Variants in LHFPL3 observed in about 807,000 individuals in gnomAD.
The protein encoded by LHFPL3 is LHFPL tetraspan subfamily member 3 protein.
LHFPL3 carries 5 observed loss-of-function variants against 19.3 expected under a neutral mutation model. The ratio of observed to expected loss-of-function variants is 0.26; its 90% CI spans 0.14 to 0.54. The LOEUF is 0.54. LHFPL3 is among the 20% of genes least tolerant of loss of function. LHFPL3 has a pLI of 0.94. For missense variants in LHFPL3, 249 were observed against 307.4 expected, an observed-to-expected ratio of 0.81 and a Z score of 1.42; for synonymous variants, 133 against 126.2, an observed-to-expected ratio of 1.05 and a Z score of -0.36.
At chr7:104,895,957 G>C (rs1792349665) in intron 2 of LHFPL3, 1 of 152,264 alleles carries the variant, frequency 6.6e-6, no homozygotes, top group African/African-American at 2.4e-5. Context: ...AGGTGTGACA[G>C]GTTCGATTTC....
chr7:104,816,033 C>T (rs1790555924), intron 2 of LHFPL3, among the ~76,000 whole-genome samples: 1 of 152,088 alleles, frequency 6.6e-6, no homozygotes, highest in Non-Finnish European at 1.5e-5. Context: ...TGAGAATTAG[C>T]CTCATTGTGT....
At chr7:104,896,001 G>A (rs1388027911) in intron 2 of LHFPL3, 2 of 152,224 alleles carry the variant, frequency 1.3e-5, no homozygotes, top group African/African-American at 2.4e-5. Flanking sequence ...TGTAGATGGC[G>A]GCCTTCTTGC....
chr7:104,505,611 G>T lies in LHFPL3; in HGVS notation c.445+176387G>T, dbSNP rs118155375. On this transcript the variant is annotated intron_variant, in intron 1 of 2. Coordinates refer to ENST00000424859, the MANE Select transcript of LHFPL3 (RefSeq NM_199000.3). ...GAAAAAAAAAATTTAAACTCTTTGG[G>T]AATATTGCAATCAGTTAATTATCAT... Among the ~76,000 whole-genome samples the T allele has an allele frequency of 2.4e-3, 366 of 152,178 alleles. 1 individual carries two copies. The highest frequency in any genetic ancestry group is 4.0e-3 in the Non-Finnish European group (273 of 67,998).
At position 104,429,144 on chromosome 7, in the gene LHFPL3, C is replaced by A. The variant is rs574213116; in HGVS notation, c.445+99920C>A. On this transcript the variant is annotated intron_variant, in intron 1 of 2. Coordinates refer to ENST00000424859, the MANE Select transcript of LHFPL3 (RefSeq NM_199000.3). ...TTTTGCTGATGAAATTGGCAGTGTT[C>A]AAGCATTTAAAAAAATAAACTAAAG... 7.4e-4 allele frequency among the ~76,000 whole-genome samples: 113 copies of A among 151,844 alleles called. No homozygotes were observed. In the Middle Eastern group the frequency reaches 0.01, roughly 14 times the overall value.
At chr7:104,884,306 C>T (rs903327843) in intron 2 of LHFPL3, among the ~76,000 whole-genome samples, 3 of 152,270 alleles carry the variant, frequency 2.0e-5, no homozygotes, top group African/African-American at 7.2e-5. Context: ...AGTTCAAAGG[C>T]CTTTGTTTTG....
chr7:104,663,557 C>T (rs1316720715), intron 1 of LHFPL3, among the ~76,000 whole-genome samples: 1 of 152,204 alleles, frequency 6.6e-6, no homozygotes, highest in Non-Finnish European at 1.5e-5. Context: ...TCATGTACAA[C>T]ATGCAGAGTT....
chr7:104,582,548 A>G (rs1450747052), intron 1 of LHFPL3, among the ~76,000 whole-genome samples: 2 of 152,046 alleles, frequency 1.3e-5, no homozygotes, highest in African/African-American at 4.8e-5. Context: ...TCCTAATTAT[A>G]GGGAGAAAGT....
rs76644251 is a variant in LHFPL3 at position 104,415,981 on chromosome 7, T to C, written c.445+86757T>C. On this transcript the variant is annotated intron_variant, in intron 1 of 2. Coordinates refer to ENST00000424859, the MANE Select transcript of LHFPL3 (RefSeq NM_199000.3). Reference sequence around the variant, plus strand: ...ATACCACCTATTATGGGTTGCATTCTGTCTCCATAAAAAGATATGAAGTCC... The same window carrying C: ...ATACCACCTATTATGGGTTGCATTCCGTCTCCATAAAAAGATATGAAGTCC... Among the ~76,000 whole-genome samples, 1,270 of 152,312 alleles carry C rather than the reference T, an allele frequency of 8.3e-3. 76 individuals carry two copies. In the East Asian group the frequency reaches 0.16, roughly 19 times the overall value.
At chr7:104,840,507 G>A in intron 2 of LHFPL3, among the ~76,000 whole-genome samples, 1 of 81,786 alleles carries the variant, frequency 1.2e-5, no homozygotes, top group Middle Eastern at 0.015. Flanking sequence ...TTTTTTTGTA[G>A]AGACCAGGGC....
chr7:104,335,638 C>T (rs1469920427), intron 1 of LHFPL3, among the ~76,000 whole-genome samples: 1 of 151,936 alleles, frequency 6.6e-6, no homozygotes, highest in Non-Finnish European at 1.5e-5. Flanking sequence ...ACAAGTTTCC[C>T]ACTGTAAAAA....
At chr7:104,771,422 T>C (rs1794548207) in intron 2 of LHFPL3, among the ~76,000 whole-genome samples, 1 of 152,170 alleles carries the variant, frequency 6.6e-6, no homozygotes, top group African/African-American at 2.4e-5. Flanking sequence ...AGAAGCAGCA[T>C]CTGTCTGCTC....
chr7:104,885,092 C>A (rs553643138), intron 2 of LHFPL3, among the ~76,000 whole-genome samples: 6 of 152,332 alleles, frequency 3.9e-5, no homozygotes, highest in African/African-American at 1.4e-4. Context: ...GGAAAACAGA[C>A]CCAGCCACTG....
rs140711491 is a variant in LHFPL3 at position 104,801,683 on chromosome 7, G to A, written c.682+64772G>A. On this transcript the variant is annotated intron_variant, in intron 2 of 2. Transcript: ENST00000424859. ...CCTCTTGGGTTCAAGGAATTCTTCTGTCTCAGCCTCCCAAGTAGTTGGGAC... is the reference window on the plus strand; with the variant it reads ...CCTCTTGGGTTCAAGGAATTCTTCTATCTCAGCCTCCCAAGTAGTTGGGAC... Among the ~76,000 whole-genome samples, 442 of 152,166 alleles carry A rather than the reference G, an allele frequency of 2.9e-3. 1 individual carries two copies. Among genetic ancestry groups the A allele is most frequent in the Non-Finnish European group, 5.4e-3 (365 of 68,014 alleles).
At chr7:104,651,482 A>G (rs1013084526) in intron 1 of LHFPL3, among the ~76,000 whole-genome samples, 5 of 152,216 alleles carry the variant, frequency 3.3e-5, no homozygotes, top group Non-Finnish European at 7.3e-5. Context: ...TGTGCCTGGC[A>G]GTGGATCAAA....
At chr7:104,679,813 T>G (rs1226117071) in intron 1 of LHFPL3, among the ~76,000 whole-genome samples, 1 of 152,116 alleles carries the variant, frequency 6.6e-6, no homozygotes, top group Non-Finnish European at 1.5e-5. Context: ...CATTGTAAAA[T>G]AAGATATCAA....
At position 104,668,567 on chromosome 7, in the gene LHFPL3, C is replaced by T. The variant is rs184811930; in HGVS notation, c.446-68108C>T. On this transcript the variant is annotated intron_variant, in intron 1 of 2. Transcript: ENST00000424859. Reference sequence around the variant, plus strand: ...GCTATGATTCCCGGATAGGCAGTGGCAGAAGAGCATTTGGCAGTGGGTATC... The same window carrying T: ...GCTATGATTCCCGGATAGGCAGTGGTAGAAGAGCATTTGGCAGTGGGTATC... 1.4e-3 allele frequency: 2,235 copies of T among 1,612,902 alleles called. 32 individuals are homozygous for T. In the African/African-American group the frequency reaches 0.025, roughly 18 times the overall value.
intron 1 of LHFPL3, among the ~76,000 whole-genome samples, chr7:104,587,032 G>A (rs9692289): frequency 0.17 from 26,495 of 152,110 alleles, 2,858 homozygotes; most frequent in Middle Eastern, 0.27. Flanking sequence ...TGCTCCCATT[G>A]TGATGCCAAA....
chr7:104,867,358 A>T (rs1791746680), intron 2 of LHFPL3, among the ~76,000 whole-genome samples: 2 of 152,196 alleles, frequency 1.3e-5, no homozygotes, highest in African/African-American at 2.4e-5. Context: ...AAAAGAGAGA[A>T]TAATCAAATA....
At chr7:104,673,248 CTG>C (rs1386237217) in intron 1 of LHFPL3, among the ~76,000 whole-genome samples, 1 of 152,196 alleles carries the variant, frequency 6.6e-6, no homozygotes, top group East Asian at 1.9e-4. Context: ...TACAGGGTAA[CTG>C]AGCCACATAG....
Sources: gnomAD v4.1 joint callset for allele counts (sites outside exome capture counted in the v4.1 genomes callset) on GRCh38, gnomAD v4.1.1 for gene constraint, MANE v1.5 for transcripts, NCBI Gene and HGNC (gene_info 2026-07-23, HGNC 2026-07-21) for gene names.